The following AGBL5 variants were observed in gnomAD, a reference collection of about 807,000 sequenced individuals.
AGBL5 encodes AGBL carboxypeptidase 5, also known as cytosolic carboxypeptidase-like protein 5.
AGBL5 carries 51 observed loss-of-function variants against 88.0 expected under a neutral mutation model. The observed-to-expected ratio is 0.58, with a 90% CI of 0.46 to 0.73. The LOEUF is 0.73. Ranked by LOEUF, AGBL5 falls within the 30% of genes least tolerant of loss-of-function variation. The pLI is 0.00. For synonymous variants in AGBL5, 446 were observed against 438.8 expected (o/e 1.02, Z -0.21); for missense variants, 1,031 against 1,162.2 (o/e 0.89, Z 1.64).
Position 27,056,102 on chromosome 2 carries a change from C to T in AGBL5, c.1329C>T (p.Phe443=), listed in dbSNP as rs775501426. 6.2e-7 allele frequency: 1 copy of T among 1,613,770 alleles called. No individual in the cohort carries two copies. Among genetic ancestry groups the T allele is most frequent in the African/African-American group, 1.3e-5 (1 of 75,026 alleles). ...GACATGCTTCCAAAAGGGGCTGCTTCATGTACGGAAACAGCTTTAGTGATG... is the reference window on the plus strand; with the variant it reads ...GACATGCTTCCAAAAGGGGCTGCTTTATGTACGGAAACAGCTTTAGTGATG... The part of the protein sequence containing the change: ...LHGHASKRGC[F]MYGNSFSDES... The change falls in exon 7 of 15, where the codon TTC becomes TTT. Residue 443 remains phenylalanine (F), a synonymous_variant. Transcript: ENST00000360131.
chr2:27,058,024 C>T lies in AGBL5; in HGVS notation c.1672-376C>T, dbSNP rs550818170. On this transcript the variant is annotated intron_variant, in intron 9 of 14. Coordinates refer to ENST00000360131, the MANE Select transcript of AGBL5 (RefSeq NM_021831.6). ...CCGGGAGGCAGAGGTTGCAGTCAGCCGAGATCACACGCCACTGTACTACAG... is the reference window on the plus strand; with the variant it reads ...CCGGGAGGCAGAGGTTGCAGTCAGCTGAGATCACACGCCACTGTACTACAG... 3.3e-5 allele frequency among the ~76,000 whole-genome samples: 5 copies of T among 150,206 alleles called. No homozygotes were observed. In the East Asian group the frequency reaches 5.9e-4, roughly 18 times the overall value.
chr2:27,061,105 C>G (rs1668694729), intron 11 of AGBL5: 1 of 152,236 alleles, frequency 6.6e-6, no homozygotes, highest in Admixed American at 6.5e-5. Flanking sequence ...CTCTTTCACC[C>G]AGGCCGGAGT....
chr2:27,058,708 A>G, intron 10 of AGBL5, 106 bp downstream of exon 10: 1 of 1,203,192 alleles, frequency 8.3e-7, no homozygotes, highest in South Asian at 1.3e-5. Context: ...TCAAAGTGCC[A>G]AATGGCAAAT....
At chr2:27,058,260 T>A (rs984545106) in intron 9 of AGBL5, 140 bp from the exon 10 acceptor site, 2 of 949,408 alleles carry the variant, frequency 2.1e-6, no homozygotes, top group African/African-American at 3.2e-5. Context: ...ATAAACAGCC[T>A]GGGCACAAAG....
At chr2:27,063,312 G>A (rs1405050559) in intron 11 of AGBL5, among the ~76,000 whole-genome samples, 1 of 152,198 alleles carries the variant, frequency 6.6e-6, no homozygotes, top group African/African-American at 2.4e-5. Context: ...GCTTGTCTCG[G>A]CCGGGCGTGG....
chr2:27,056,169 G>A (rs1326506826), intron 7 of AGBL5, 31 bp downstream of exon 7: 1 of 1,596,372 alleles, frequency 6.3e-7, no homozygotes, highest in Non-Finnish European at 8.5e-7. Context: ...ATGTGAGTGT[G>A]AGAAGTGTTA....
rs1397628438 is a variant in AGBL5 at position 27,056,090 on chromosome 2, A to G, written c.1317A>G (p.Lys439=). 6.2e-7 allele frequency: 1 copy of G among 1,614,026 alleles called. No homozygotes were observed. The highest frequency in any genetic ancestry group is 8.5e-7 in the Non-Finnish European group (1 of 1,179,898). ...YYVDLHGHAS[K]RGCFMYGNSF... Reference sequence around the variant, plus strand: ...TGGACCTGCATGGACATGCTTCCAAAAGGGGCTGCTTCATGTACGGAAACA... The same window carrying G: ...TGGACCTGCATGGACATGCTTCCAAGAGGGGCTGCTTCATGTACGGAAACA... Residue 439 remains lysine, a synonymous_variant, in exon 7 of 15, where the codon AAA becomes AAG. Coordinates refer to ENST00000360131, the MANE Select transcript of AGBL5 (RefSeq NM_021831.6).
chr2:27,057,548 G>A, intron 9 of AGBL5, 110 bp downstream of exon 9: 1 of 1,260,654 alleles, frequency 7.9e-7, no homozygotes, highest in Non-Finnish European at 1.1e-6. Context: ...CATCACTATG[G>A]CCGTCTCACC....
At chr2:27,063,998 A>T (rs1668849528) in intron 11 of AGBL5, among the ~76,000 whole-genome samples, 1 of 152,130 alleles carries the variant, frequency 6.6e-6, no homozygotes. Context: ...GGTAGGGTGA[A>T]GGTTTGTCCC....
chr2:27,055,266 C>T lies in AGBL5; in HGVS notation c.908+13C>T. 6.2e-7 allele frequency: 1 copy of T among 1,613,338 alleles called. No individual in the cohort carries two copies. The highest frequency in any genetic ancestry group is 1.1e-5 in the South Asian group (1 of 91,016). ...GGGGACACTACCGGTAAGTGGCTTC[C>T]CCAGCCTGTCTGGACTGTTCCCATT... On this transcript the variant is annotated intron_variant, in intron 6 of 14. Transcript: ENST00000360131.
At chr2:27,068,543 A>G (rs1304098429) in intron 12 of AGBL5, 89 bp from the exon 13 acceptor site, 47 of 1,145,762 alleles carry the variant, frequency 4.1e-5, no homozygotes, top group South Asian at 1.9e-4. Context: ...CAAATTGTCA[A>G]CGTGCCAAGG....
In AGBL5 at chr2:27,053,134, G is replaced by T. The variant is rs909236165; in HGVS notation, c.176G>T (p.Arg59Leu). 1 of 1,609,274 alleles carries T rather than the reference G, an allele frequency of 6.2e-7. No homozygotes were observed. The highest frequency in any genetic ancestry group is 1.1e-5 in the South Asian group (1 of 90,488). ...GACTATGAATTCAACGTGTGGACCC[G>T]ACCAGACTGTGCTGAAACGGAATTT... ...SPDYEFNVWT[R>L]PDCAETEFEN... Residue 59 changes from arginine to leucine, a missense_variant, in exon 2 of 15, where the codon CGA becomes CTA. By Grantham distance (102) the Arg-to-Leu change is moderately radical. Coordinates refer to ENST00000360131, the MANE Select transcript of AGBL5 (RefSeq NM_021831.6). This position sits in a 1 kb window ranked among gnomAD's most constrained non-coding sequence, Gnocchi z 4.9.
At chr2:27,062,119 CTTTTTTT>C (rs11295283) in intron 11 of AGBL5, among the ~76,000 whole-genome samples, 5 of 88,836 alleles carry the variant, frequency 5.6e-5, no homozygotes, top group African/African-American at 1.6e-4. Flanking sequence ...CCATCTAGGC[CTTTTTTT>C]TTTTTTTTTT....
upstream of AGBL5, among the ~76,000 whole-genome samples, chr2:27,050,781 G>A (rs575873527): frequency 6.6e-6 from 1 of 152,224 alleles, no homozygotes; most frequent in Non-Finnish European, 1.5e-5. Context: ...TCGCAGCGGA[G>A]CCTTCGATAG....
intron 11 of AGBL5, among the ~76,000 whole-genome samples, chr2:27,065,892 C>G (rs964553889): frequency 6.6e-6 from 1 of 152,178 alleles, no homozygotes; most frequent in Non-Finnish European, 1.5e-5. Context: ...CAGCATCCTA[C>G]TAAGGATTTG....
rs912485968 is a variant in AGBL5 at position 27,056,074 on chromosome 2, A to G, written c.1301A>G (p.His434Arg). The G allele has an allele frequency of 1.2e-6, 2 of 1,614,214 alleles. No individual in the cohort carries two copies. Among genetic ancestry groups the G allele is most frequent in the South Asian group, 1.1e-5 (1 of 91,090 alleles). ...ESGVAYYVDL[H>R]GHASKRGCFM... is the part of the protein sequence containing the mutation. Reference sequence around the variant, plus strand: ...GGCGTTGCTTACTATGTGGACCTGCATGGACATGCTTCCAAAAGGGGCTGC... The same window carrying G: ...GGCGTTGCTTACTATGTGGACCTGCGTGGACATGCTTCCAAAAGGGGCTGC... The change falls in exon 7 of 15, where the codon CAT becomes CGT. Residue 434 changes from histidine (H) to arginine (R), a missense_variant. Physicochemically the swap from His to Arg is conservative, Grantham distance 29 (BLOSUM62 0). Transcript: ENST00000360131.
Position 27,053,811 on chromosome 2 carries a change from G to A in AGBL5, c.388-85G>A, listed in dbSNP as rs1167844893. On this transcript the variant is annotated intron_variant, in intron 3 of 14. Coordinates refer to ENST00000360131, the MANE Select transcript of AGBL5 (RefSeq NM_021831.6). This position sits in a 1 kb window ranked among gnomAD's most constrained non-coding sequence, Gnocchi z 4.9. ...GGAAGTTGGTAAAGGTGATAAGGGT[G>A]TGAGGTCAGTTCCTGGTGGTCCCAG... The A allele has an allele frequency of 6.6e-7, 1 of 1,513,508 alleles. No homozygotes were observed. Among genetic ancestry groups the A allele is most frequent in the Non-Finnish European group, 8.9e-7 (1 of 1,122,152 alleles). 93.8% of individuals were successfully genotyped at this position (1,513,508 alleles called of 1,614,324 possible). A position where few individuals can be genotyped will look rare whatever the true frequency, so the allele number is the denominator to read the frequency against.
intron 7 of AGBL5, 109 bp from the exon 8 acceptor site, chr2:27,056,514 T>C: frequency 1.1e-6 from 1 of 947,736 alleles, no homozygotes; most frequent in Non-Finnish European, 1.6e-6. Flanking sequence ...TTAATGGTTG[T>C]GATGGTATCT....
chr2:27,070,083 C>G lies in AGBL5; in HGVS notation c.2490-9C>G. On this transcript the variant is annotated splice_polypyrimidine_tract_variant and intron_variant, in intron 14 of 14. Transcript: ENST00000360131. ...CACAGCCCTGATTCCTCTCTCTTTT[C>G]TGTTGCAGGCTGCCTCAGGCCAGGC... 6 of 1,607,736 alleles carry G rather than the reference C, an allele frequency of 3.7e-6. No homozygotes were observed. The highest frequency in any genetic ancestry group is 5.1e-6 in the Non-Finnish European group (6 of 1,175,226).
Sources: gnomAD v4.1 joint callset for allele counts (sites outside exome capture counted in the v4.1 genomes callset) on GRCh38, gnomAD v4.1.1 for gene constraint, Gnocchi (gnomAD v3.1) non-coding constraint, MANE v1.5 for transcripts, NCBI Gene and HGNC (gene_info 2026-07-23, HGNC 2026-07-21) for gene names.